The following SMG6 variants were observed in gnomAD, a reference collection of about 807,000 sequenced individuals.
SMG6 encodes the protein SMG6 nonsense mediated mRNA decay factor.
Under a neutral mutation model 142.2 loss-of-function variants are expected in SMG6, and 66 were observed. The observed-to-expected ratio is 0.46, with a 90% CI of 0.38 to 0.57. The LOEUF (loss-of-function observed/expected upper bound fraction) is 0.57, where lower values mean the gene tolerates loss of function less well. SMG6 is among the 20% of genes least tolerant of loss of function. The probability of loss-of-function intolerance (pLI) is 0.00; values close to 1 mark genes in which losing one functional copy is unlikely to be tolerated. For synonymous variants in SMG6, 779 were observed against 702.4 expected, an observed-to-expected ratio of 1.11 and a Z score of -1.72; for missense variants, 1,793 against 1,832.0, an observed-to-expected ratio of 0.98 and a Z score of 0.39.
intron 13 of SMG6, among the ~76,000 whole-genome samples, chr17:2,113,783 A>C (rs1167518365): frequency 1.3e-5 from 2 of 152,186 alleles, no homozygotes; most frequent in Non-Finnish European, 2.9e-5. Flanking sequence ...AGACTTAAGG[A>C]GCATCTTCAT....
chr17:2,163,272 G>A (rs1448616519), intron 13 of SMG6, among the ~76,000 whole-genome samples: 1 of 151,870 alleles, frequency 6.6e-6, no homozygotes, highest in African/African-American at 2.4e-5. Flanking sequence ...CTACAGCCTC[G>A]ACCTCCTGGG....
At chr17:2,220,070 T>C (rs939601404) in intron 10 of SMG6, among the ~76,000 whole-genome samples, 2 of 152,120 alleles carry the variant, frequency 1.3e-5, no homozygotes, top group African/African-American at 2.4e-5. Flanking sequence ...TACAGACATG[T>C]ACCACCACAT....
At chr17:2,301,333 T>A (rs2075272679) in intron 1 of SMG6, among the ~76,000 whole-genome samples, 1 of 152,130 alleles carries the variant, frequency 6.6e-6, no homozygotes, top group South Asian at 2.1e-4. Flanking sequence ...ACTTCACCCA[T>A]CCTCACCAAC....
At chr17:2,112,916 C>A (rs1407655281) in intron 13 of SMG6, among the ~76,000 whole-genome samples, 1 of 151,716 alleles carries the variant, frequency 6.6e-6, no homozygotes, top group East Asian at 1.9e-4. Context: ...CGTCACCATG[C>A]CTGACTAATT....
At chr17:2,163,763 C>T (rs1010308043) in intron 13 of SMG6, among the ~76,000 whole-genome samples, 3 of 151,894 alleles carry the variant, frequency 2.0e-5, no homozygotes, top group Admixed American at 6.6e-5. Context: ...AACTCACCGC[C>T]CTTATCTTAT....
At chr17:2,178,169 T>C (rs1021539887) in intron 12 of SMG6, among the ~76,000 whole-genome samples, 3 of 152,220 alleles carry the variant, frequency 2.0e-5, no homozygotes, top group Admixed American at 2.0e-4. Flanking sequence ...TTGATTCTGG[T>C]ACCTCAGTGC....
intron 10 of SMG6, among the ~76,000 whole-genome samples, chr17:2,230,138 A>G (rs1463948410): frequency 7.5e-6 from 1 of 132,784 alleles, no homozygotes; most frequent in East Asian, 2.4e-4. Context: ...GTGAGCTGAG[A>G]TCGTGCCACT....
At chr17:2,296,433 T>G (rs1279923571) in intron 4 of SMG6, among the ~76,000 whole-genome samples, 2 of 152,156 alleles carry the variant, frequency 1.3e-5, no homozygotes, top group Non-Finnish European at 2.9e-5. Context: ...CCTATGGCCC[T>G]TCAACACTCT....
intron 13 of SMG6, among the ~76,000 whole-genome samples, chr17:2,113,665 C>G (rs991900230): frequency 6.6e-6 from 1 of 152,240 alleles, no homozygotes; most frequent in Non-Finnish European, 1.5e-5. Flanking sequence ...AAAACCATCA[C>G]TCCTACTCCA....
chr17:2,142,281 A>C (rs2151576539), intron 13 of SMG6, among the ~76,000 whole-genome samples: 1 of 152,362 alleles, frequency 6.6e-6, no homozygotes, highest in Middle Eastern at 3.4e-3. Flanking sequence ...GGACAATCAA[A>C]TCATAGGGAG....
chr17:2,107,658 T>C (rs1263282314), intron 13 of SMG6, among the ~76,000 whole-genome samples: 1 of 152,182 alleles, frequency 6.6e-6, no homozygotes, highest in Non-Finnish European at 1.5e-5. Context: ...TAAACAGCTC[T>C]GATGGAACAA....
intron 8 of SMG6, among the ~76,000 whole-genome samples, chr17:2,251,081 G>C (rs535073540): frequency 3.3e-5 from 5 of 151,472 alleles, no homozygotes; most frequent in African/African-American, 1.2e-4. Context: ...AGGAGGCACT[G>C]TGTTTCCCTT....
chr17:2,190,886 C>G (rs1002414475), intron 10 of SMG6, among the ~76,000 whole-genome samples: 1 of 152,178 alleles, frequency 6.6e-6, no homozygotes, highest in Non-Finnish European at 1.5e-5. Context: ...AGTAACTGTT[C>G]TGCTGTAATC....
At chr17:2,098,059 G>A (rs530178780) in intron 13 of SMG6, among the ~76,000 whole-genome samples, 2 of 152,246 alleles carry the variant, frequency 1.3e-5, no homozygotes, top group South Asian at 4.2e-4. Context: ...CGAGATCATG[G>A]TTCACTGCAG....
intron 13 of SMG6, among the ~76,000 whole-genome samples, chr17:2,107,489 G>C (rs1476413695): frequency 2.0e-5 from 3 of 152,200 alleles, no homozygotes; most frequent in African/African-American, 7.2e-5. Context: ...GAGGATTATA[G>C]TGTTAAACAG....
At chr17:2,073,383 GTTTTTTTGTT>G (rs2068163827) in intron 15 of SMG6, among the ~76,000 whole-genome samples, 2 of 151,518 alleles carry the variant, frequency 1.3e-5, no homozygotes, top group African/African-American at 4.8e-5. Context: ...TGTGCCCAGC[GTTTTTTTGTT>G]TTGTTTTGTT....
intron 13 of SMG6, among the ~76,000 whole-genome samples, chr17:2,104,144 G>A (rs1156840237): frequency 1.3e-5 from 2 of 151,888 alleles, no homozygotes; most frequent in Non-Finnish European, 2.9e-5. Context: ...GTAGAGACGG[G>A]GTTTCACCAT....
chr17:2,185,945 G>A (rs1406690100), intron 12 of SMG6, among the ~76,000 whole-genome samples: 1 of 152,148 alleles, frequency 6.6e-6, no homozygotes, highest in African/African-American at 2.4e-5. Context: ...TGCAGAGAAG[G>A]CTGGGCATGG....
chr17:2,079,875 G>C (rs1277776527), intron 15 of SMG6, among the ~76,000 whole-genome samples: 2 of 151,836 alleles, frequency 1.3e-5, no homozygotes, highest in Non-Finnish European at 2.9e-5. Context: ...AGGAGTTTGA[G>C]ACCAGCCTGG....
Sources: allele counts gnomAD v4.1 joint callset (sites outside exome capture counted in the v4.1 genomes callset), GRCh38; gene constraint gnomAD v4.1.1; transcripts MANE v1.5; gene names NCBI Gene and HGNC (gene_info 2026-07-23, HGNC 2026-07-21).